The following NLRP5 variants were observed in gnomAD, a reference collection of about 807,000 sequenced individuals.
The protein encoded by NLRP5 is NACHT, LRR and PYD domains-containing protein 5.
NLRP5 carries 93 observed loss-of-function variants against 113.1 expected under a neutral mutation model. The ratio of observed to expected loss-of-function variants is 0.82; its 90% CI spans 0.70 to 0.98. The LOEUF (loss-of-function observed/expected upper bound fraction) is 0.98. Among genes scored for constraint, NLRP5 ranks in the 50% least tolerant of loss-of-function variants. The pLI, the probability that NLRP5 is intolerant of heterozygous loss-of-function variation, is 0.00. For synonymous variants in NLRP5, 751 were observed against 600.7 expected (o/e 1.25, Z -3.66); for missense variants, 1,808 against 1,514.3 (o/e 1.19, Z -3.22).
intron 13 of NLRP5, among the ~76,000 whole-genome samples, chr19:56,056,225 A>G (rs558474925): frequency 1.7e-4 from 26 of 152,254 alleles, no homozygotes; most frequent in African/African-American, 5.3e-4. Flanking sequence ...CAAGAAGCCA[A>G]CTATGATCTG....
intron 6 of NLRP5, among the ~76,000 whole-genome samples, chr19:56,022,991 G>A (rs1309659358): frequency 6.6e-6 from 1 of 152,180 alleles, no homozygotes; most frequent in Non-Finnish European, 1.5e-5. Context: ...CTCCCAAAGT[G>A]CTGGGATTAC....
chr19:56,005,583 G>A lies in NLRP5; in HGVS notation c.442+1488G>A, dbSNP rs866357131. Reference sequence around the variant, plus strand: ...CACACATATATATTTATACACACACGCACACACGCAGGTGGCATGCCTGTA... The same window carrying A: ...CACACATATATATTTATACACACACACACACACGCAGGTGGCATGCCTGTA... On this transcript the variant is annotated intron_variant, in intron 2 of 14. Transcript: ENST00000390649. Among the ~76,000 whole-genome samples, 183 of 76,300 alleles carry A rather than the reference G, an allele frequency of 2.4e-3. 1 individual carries two copies. Among genetic ancestry groups the A allele is most frequent in the Middle Eastern group, 7.0e-3 (1 of 142 alleles). 50.1% of individuals were successfully genotyped at this position (76,300 alleles called of 152,430 possible). A position where few individuals can be genotyped will look rare whatever the true frequency, so the allele number is the denominator to read the frequency against.
rs551552665 is a variant in NLRP5 at position 56,005,251 on chromosome 19, ATATT to A, written c.442+1160_442+1163del. Among the ~76,000 whole-genome samples the A allele has an allele frequency of 7.9e-3, 1,003 of 126,752 alleles. 14 individuals are homozygous for A. The highest frequency in any genetic ancestry group is 0.027 in the African/African-American group (926 of 34,904). The allele number at this position is 126,752 out of a possible 152,430, so 83.2% of individuals were successfully genotyped here. Reference sequence around the variant, plus strand: ...TATATTTTTATATATACACACATATATATTTATATATACACATACACATATACAC... The same window carrying A: ...TATATTTTTATATATACACACATATATATATATACACATACACATATACAC... On this transcript the variant is annotated intron_variant, in intron 2 of 14. Transcript: ENST00000390649.
chr19:56,038,186 A>T lies in NLRP5; in HGVS notation c.2777A>T (p.Gln926Leu). 6.2e-7 allele frequency: 1 copy of T among 1,613,746 alleles called. No homozygotes were observed. The highest frequency in any genetic ancestry group is 2.2e-5 in the East Asian group (1 of 44,876). ...TTGAGAGTCTCCCAGTGCGCCCTGC[A>T]GAAGCTGATGTGAGTGCCACTTCCT... Residue 926 changes from glutamine (Q) to leucine (L), a missense_variant, in exon 10 of 15, where the codon CAG (glutamine) becomes CTG (leucine). Physicochemically the swap from Gln to Leu is moderately radical, Grantham distance 113. Transcript: ENST00000390649.
chr19:55,989,239 T>G, the NLRP5 span, among the ~76,000 whole-genome samples: 1 of 152,108 alleles, frequency 6.6e-6, no homozygotes, highest in Non-Finnish European at 1.5e-5. Flanking sequence ...TGGGAGGTAC[T>G]TTTTAGTATT....
chr19:56,029,781 G>T (rs1320770262), intron 7 of NLRP5, among the ~76,000 whole-genome samples: 1 of 151,622 alleles, frequency 6.6e-6, no homozygotes, highest in East Asian at 2.0e-4. Context: ...GACAGGCTGG[G>T]TGCAGTGGAT....
chr19:56,004,599 A>T (rs1981783923), intron 2 of NLRP5, among the ~76,000 whole-genome samples: 1 of 152,200 alleles, frequency 6.6e-6, no homozygotes, highest in Non-Finnish European at 1.5e-5. Context: ...CTGAGGTTCC[A>T]GGTGCTCATC....
At chr19:56,007,894 TGCGCGCGTGC>T (rs1568483045) in intron 2 of NLRP5, among the ~76,000 whole-genome samples, 5 of 26,230 alleles carry the variant, frequency 1.9e-4, no homozygotes, top group Admixed American at 4.4e-4. Context: ...TGTGTGCGCG[TGCGCGCGTGC>T]GTGTGTGTGT....
intron 1 of NLRP5, among the ~76,000 whole-genome samples, chr19:56,002,454 G>GC (rs1041695886): frequency 1.4e-5 from 2 of 146,812 alleles, no homozygotes; most frequent in African/African-American, 5.0e-5. Flanking sequence ...TTTGCCAGAG[G>GC]TTTTTTTTTT....
At chr19:55,999,551 G>C (rs150838064), upstream of NLRP5, among the ~76,000 whole-genome samples, 160 of 152,188 alleles carry the variant, frequency 1.1e-3, no homozygotes, top group Non-Finnish European at 2.1e-3. Flanking sequence ...GGTAGCTTTA[G>C]AGCAGGTGGT....
intron 6 of NLRP5, among the ~76,000 whole-genome samples, chr19:56,022,214 C>G (rs192590688): frequency 6.6e-6 from 1 of 152,112 alleles, no homozygotes; most frequent in Non-Finnish European, 1.5e-5. Flanking sequence ...AGGGGAGATA[C>G]ACTCTCCACT....
At chr19:55,991,743 ACCT>A in the NLRP5 span, among the ~76,000 whole-genome samples, 23 of 152,198 alleles carry the variant, frequency 1.5e-4, no homozygotes, top group Non-Finnish European at 4.4e-5. Flanking sequence ...CCACTTTTAT[ACCT>A]CCTCTTTATC....
intron 12 of NLRP5, 75 bp from the exon 13 acceptor site, chr19:56,053,563 A>G: frequency 7.4e-7 from 1 of 1,353,326 alleles, no homozygotes; most frequent in Non-Finnish European, 1.0e-6. Flanking sequence ...ACTCCAGTTA[A>G]TGCTGCTGAA....
chr19:56,050,291 A>AT, intron 11 of NLRP5, 127 bp from the exon 12 acceptor site: 1 of 873,006 alleles, frequency 1.1e-6, no homozygotes, highest in Non-Finnish European at 1.7e-6. Flanking sequence ...AAAAAAAAGA[A>AT]AAAAAAACAA....
At chr19:56,010,199 T>C (rs180766483) in intron 3 of NLRP5, among the ~76,000 whole-genome samples, 5,679 of 152,204 alleles carry the variant, frequency 0.037, 345 homozygotes, top group African/African-American at 0.13. Context: ...AGTGCTTTAG[T>C]CCATGCTTCT....
At chr19:56,051,128 T>C (rs931421569) in intron 12 of NLRP5, among the ~76,000 whole-genome samples, 17 of 152,170 alleles carry the variant, frequency 1.1e-4, no homozygotes, top group African/African-American at 3.4e-4. Context: ...GCATTTGATG[T>C]TTTACAAAGA....
chr19:56,005,472 T>C (rs1981856501), intron 2 of NLRP5, among the ~76,000 whole-genome samples: 2 of 148,748 alleles, frequency 1.3e-5, no homozygotes, highest in East Asian at 2.0e-4. Flanking sequence ...CACACACATA[T>C]TTATACACAC....
chr19:56,048,156 G>T (rs887828532), intron 11 of NLRP5, among the ~76,000 whole-genome samples: 8 of 152,114 alleles, frequency 5.3e-5, no homozygotes, highest in Non-Finnish European at 1.2e-4. Context: ...TGGTTGGTGA[G>T]TTTTTTATTC....
chr19:55,986,902 C>T, the NLRP5 span, among the ~76,000 whole-genome samples: 2 of 152,184 alleles, frequency 1.3e-5, no homozygotes, highest in South Asian at 4.1e-4. Flanking sequence ...ATTGAGCTTA[C>T]TAGGTGCCCC....
Sources: allele counts gnomAD v4.1 joint callset (sites outside exome capture counted in the v4.1 genomes callset), GRCh38; gene constraint gnomAD v4.1.1; transcripts MANE v1.5; gene names NCBI Gene and HGNC (gene_info 2026-07-23, HGNC 2026-07-21).